HPSE2: variants seen among roughly 807,000 people sequenced by gnomAD.
HPSE2 encodes the protein inactive heparanase-2.
Under a neutral mutation model 60.5 loss-of-function variants are expected in HPSE2, and 38 were observed. That is an observed-to-expected ratio of 0.63 (90% CI 0.48 to 0.82). The LOEUF (loss-of-function observed/expected upper bound fraction) is 0.82. Among genes scored for constraint, HPSE2 ranks in the 40% least tolerant of loss-of-function variants. The pLI, the probability that HPSE2 is intolerant of heterozygous loss-of-function variation, is 0.00. For missense variants in HPSE2, 713 were observed against 740.4 expected (o/e 0.96, Z 0.43); for synonymous variants, 295 against 293.2 (o/e 1.01, Z -0.06).
At chr10:98,949,325 C>T (rs1955285917) in intron 3 of HPSE2, among the ~76,000 whole-genome samples, 1 of 152,020 alleles carries the variant, frequency 6.6e-6, no homozygotes, top group Non-Finnish European at 1.5e-5. Context: ...AGACCCTTAC[C>T]CCTCCCCACA....
At chr10:98,709,101 A>G (rs935890945) in intron 5 of HPSE2, among the ~76,000 whole-genome samples, 8 of 152,184 alleles carry the variant, frequency 5.3e-5, no homozygotes, top group Admixed American at 4.6e-4. Context: ...TCTTTGTTCA[A>G]ATCTAACATT....
intron 11 of HPSE2, among the ~76,000 whole-genome samples, chr10:98,463,017 G>A (rs996878325): frequency 6.6e-6 from 1 of 150,674 alleles, no homozygotes; most frequent in African/African-American, 2.4e-5. Context: ...ACTGTACCCA[G>A]AAAGCTTGGA....
At chr10:98,548,911 T>C (rs144213870) in intron 9 of HPSE2, among the ~76,000 whole-genome samples, 204 of 152,272 alleles carry the variant, frequency 1.3e-3, no homozygotes, top group African/African-American at 4.1e-3. Context: ...TAGATCCCTG[T>C]TGAATTTCTC....
At chr10:98,975,565 CTCAA>C (rs1956064602) in intron 3 of HPSE2, among the ~76,000 whole-genome samples, 2 of 152,090 alleles carry the variant, frequency 1.3e-5, no homozygotes, top group South Asian at 4.1e-4. Context: ...AAATATCTGG[CTCAA>C]TCAGTGTTCA....
chr10:98,891,227 A>G (rs1296244467), intron 3 of HPSE2, among the ~76,000 whole-genome samples: 1 of 152,156 alleles, frequency 6.6e-6, no homozygotes, highest in Non-Finnish European at 1.5e-5. Flanking sequence ...TCCAGTAAAA[A>G]CCATTTGAAT....
At chr10:98,793,668 A>G (rs1297488816) in intron 3 of HPSE2, among the ~76,000 whole-genome samples, 2 of 152,256 alleles carry the variant, frequency 1.3e-5, no homozygotes, top group African/African-American at 4.8e-5. Flanking sequence ...AATGTAATTG[A>G]TAATGTATGG....
At chr10:98,623,435 C>T (rs1946124735) in intron 7 of HPSE2, among the ~76,000 whole-genome samples, 1 of 152,132 alleles carries the variant, frequency 6.6e-6, no homozygotes, top group African/African-American at 2.4e-5. Context: ...TTTCAAAATT[C>T]TGTGACTATA....
At chr10:98,742,974 C>CTTTTTTTTTTTTTTTTTTTTTTTT (rs35772316) in intron 4 of HPSE2, among the ~76,000 whole-genome samples, 1 of 99,782 alleles carries the variant, frequency 1.0e-5, no homozygotes, top group Non-Finnish European at 2.1e-5. Context: ...CTTTTCTTTT[C>CTTTTTTTTTTTTTTTTTTTTTTTT]TTTTTTTTTT....
intron 2 of HPSE2, among the ~76,000 whole-genome samples, chr10:99,153,749 G>A (rs1447921700): frequency 5.6e-4 from 86 of 152,358 alleles, no homozygotes; most frequent in East Asian, 3.5e-3. Flanking sequence ...AAAGCTGGAC[G>A]GAGAATGACT....
chr10:98,837,172 G>A (rs1009737768), intron 3 of HPSE2, among the ~76,000 whole-genome samples: 4 of 152,180 alleles, frequency 2.6e-5, no homozygotes, highest in African/African-American at 9.7e-5. Context: ...ACCTATTCAA[G>A]TTGACACATC....
chr10:98,488,183 C>T (rs922476433), intron 10 of HPSE2, among the ~76,000 whole-genome samples: 4 of 152,128 alleles, frequency 2.6e-5, no homozygotes, highest in African/African-American at 9.7e-5. Context: ...GTCTTGAATG[C>T]AGATAATTTC....
At chr10:99,099,693 C>A (rs1843869167) in intron 3 of HPSE2, among the ~76,000 whole-genome samples, 2 of 152,232 alleles carry the variant, frequency 1.3e-5, no homozygotes, top group Non-Finnish European at 2.9e-5. Context: ...CAGACTGCCT[C>A]CTCAAGTGGG....
intron 6 of HPSE2, among the ~76,000 whole-genome samples, chr10:98,656,198 T>C (rs1193159934): frequency 6.6e-6 from 1 of 152,024 alleles, no homozygotes; most frequent in African/African-American, 2.4e-5. Flanking sequence ...GCGATTTTCC[T>C]TCCTCACCTC....
chr10:99,306,479 G>T, the HPSE2 span, among the ~76,000 whole-genome samples: 3 of 114,120 alleles, frequency 2.6e-5, no homozygotes, highest in Admixed American at 8.9e-5. Flanking sequence ...GGTCTGCTTT[G>T]CAACCTGCCC....
chr10:98,608,796 A>C (rs1367993864), intron 9 of HPSE2, among the ~76,000 whole-genome samples: 1 of 152,082 alleles, frequency 6.6e-6, no homozygotes, highest in Non-Finnish European at 1.5e-5. Context: ...TGCTTCTTTC[A>C]TCTTCCTGAT....
Position 99,192,186 on chromosome 10 carries a change from A to G in HPSE2, c.448+40162T>C, listed in dbSNP as rs145723990. Among the ~76,000 whole-genome samples the G allele has an allele frequency of 1.2e-4, 18 of 152,336 alleles. No homozygotes were observed. The East Asian group carries it at 2.5e-3, about 21-fold the overall frequency. ...AAAGAATGAAGTAGAAAGTTTATCC[A>G]AAGGGATAATATCAGAAAACATCCC... On this transcript the variant is annotated intron_variant, in intron 2 of 11. Coordinates refer to ENST00000370552, the MANE Select transcript of HPSE2 (RefSeq NM_021828.5).
the HPSE2 span, among the ~76,000 whole-genome samples, chr10:99,293,331 G>T: frequency 6.6e-6 from 1 of 152,200 alleles, no homozygotes; most frequent in Admixed American, 6.5e-5. Flanking sequence ...AGAACAGTCA[G>T]GGAAGCCTTT....
At chr10:99,197,065 T>C (rs891590771) in intron 2 of HPSE2, among the ~76,000 whole-genome samples, 1 of 152,132 alleles carries the variant, frequency 6.6e-6, no homozygotes. Context: ...ATTCAGTCCT[T>C]TGCAACACCA....
intron 3 of HPSE2, among the ~76,000 whole-genome samples, chr10:98,910,671 G>A (rs958598820): frequency 3.9e-5 from 6 of 152,160 alleles, no homozygotes; most frequent in Admixed American, 6.6e-5. Flanking sequence ...CAGTGTCAAC[G>A]TATTGCTTTG....
Sources: gnomAD v4.1 joint callset for allele counts (sites outside exome capture counted in the v4.1 genomes callset) on GRCh38, gnomAD v4.1.1 for gene constraint, MANE v1.5 for transcripts, NCBI Gene and HGNC (gene_info 2026-07-23, HGNC 2026-07-21) for gene names.